NRXN1: variants seen among roughly 807,000 people sequenced by gnomAD.
The protein encoded by NRXN1 is neurexin 1, also known as neurexin-1.
Under a neutral mutation model 150.9 loss-of-function variants are expected in NRXN1, and 39 were observed. That is an observed-to-expected ratio of 0.26 (90% CI 0.20 to 0.34). The LOEUF is 0.34. NRXN1 is among the 10% of genes least tolerant of loss of function. The probability of loss-of-function intolerance (pLI) is 1.00; values close to 1 mark genes in which losing one functional copy is unlikely to be tolerated. For missense variants in NRXN1, 1,815 were observed against 1,949.9 expected (o/e 0.93, Z 1.30); for synonymous variants, 924 against 757.0 (o/e 1.22, Z -3.62).
chr2:50,846,419 A>C (rs540934030), intron 5 of NRXN1, among the ~76,000 whole-genome samples: 1 of 152,148 alleles, frequency 6.6e-6, no homozygotes, highest in African/African-American at 2.4e-5. Flanking sequence ...GTCGGCAAGC[A>C]AGACTTTTTT....
intron 18 of NRXN1, among the ~76,000 whole-genome samples, chr2:50,102,035 C>T (rs1030178243): frequency 6.6e-6 from 1 of 151,954 alleles, no homozygotes; most frequent in African/African-American, 2.4e-5. Context: ...CATAGAAATG[C>T]ATTTACCAAT....
intron 18 of NRXN1, among the ~76,000 whole-genome samples, chr2:50,139,226 C>T (rs781604837): frequency 2.0e-5 from 3 of 150,040 alleles, no homozygotes; most frequent in Admixed American, 6.7e-5. Context: ...CTTGGGAGGC[C>T]GAGACAGGAG....
At chr2:50,960,474 T>C (rs904749883) in intron 2 of NRXN1, among the ~76,000 whole-genome samples, 1 of 151,902 alleles carries the variant, frequency 6.6e-6, no homozygotes, top group Admixed American at 6.6e-5. Context: ...TAATGGAGGC[T>C]TAAAAAAGAA....
At chr2:50,024,934 G>T (rs1688066376) in intron 21 of NRXN1, among the ~76,000 whole-genome samples, 1 of 151,960 alleles carries the variant, frequency 6.6e-6, no homozygotes, top group African/African-American at 2.4e-5. Flanking sequence ...AATTCTTTAG[G>T]TTACTCACCT....
chr2:50,598,471 C>T (rs1337779333), intron 8 of NRXN1, among the ~76,000 whole-genome samples: 3 of 150,950 alleles, frequency 2.0e-5, no homozygotes, highest in Non-Finnish European at 4.4e-5. Context: ...AGTTTAAAGA[C>T]TAAATAGCAT....
intron 5 of NRXN1, among the ~76,000 whole-genome samples, chr2:50,733,909 C>T (rs1446849455): frequency 1.3e-5 from 2 of 151,902 alleles, no homozygotes; most frequent in South Asian, 4.1e-4. Context: ...TTTTCACATT[C>T]GTATATTAGC....
At chr2:50,951,824 A>G (rs1019382996) in intron 2 of NRXN1, among the ~76,000 whole-genome samples, 1 of 151,152 alleles carries the variant, frequency 6.6e-6, no homozygotes, top group Admixed American at 6.6e-5. Context: ...TCATATTACC[A>G]TTATGGAATT....
intron 21 of NRXN1, among the ~76,000 whole-genome samples, chr2:49,992,276 A>G (rs1248445785): frequency 6.6e-6 from 1 of 152,080 alleles, no homozygotes; most frequent in Non-Finnish European, 1.5e-5. Flanking sequence ...GCAGTGGCTC[A>G]TGCCTGTAAT....
At chr2:50,610,642 C>CATAT (rs71404969) in intron 8 of NRXN1, among the ~76,000 whole-genome samples, 2,032 of 42,778 alleles carry the variant, frequency 0.048, 195 homozygotes, top group Non-Finnish European at 0.065. Context: ...TAAATAGATA[C>CATAT]ATATATATAT....
intron 18 of NRXN1, among the ~76,000 whole-genome samples, chr2:50,158,994 A>C (rs904685448): frequency 6.6e-6 from 1 of 152,092 alleles, no homozygotes; most frequent in African/African-American, 2.4e-5. Flanking sequence ...CTTTCCCCTA[A>C]GTTCACTCAA....
intron 17 of NRXN1, among the ~76,000 whole-genome samples, chr2:50,284,461 G>T (rs972830374): frequency 6.6e-5 from 10 of 152,126 alleles, no homozygotes. Flanking sequence ...CACTTAGGAT[G>T]GTTTTAAAAT....
At chr2:49,998,262 G>T (rs1394545645) in intron 21 of NRXN1, among the ~76,000 whole-genome samples, 3 of 152,124 alleles carry the variant, frequency 2.0e-5, no homozygotes, top group Admixed American at 6.5e-5. Context: ...AACTATAAAT[G>T]ATGCCTCCTA....
At chr2:50,829,702 G>T (rs973866785) in intron 5 of NRXN1, 12 of 1,601,810 alleles carry the variant, frequency 7.5e-6, no homozygotes, top group African/African-American at 2.7e-5. Context: ...CAGGCCGCCC[G>T]CACACCCAGA....
intron 12 of NRXN1, among the ~76,000 whole-genome samples, chr2:50,507,141 CT>C (rs1558851497): frequency 6.6e-6 from 1 of 152,164 alleles, no homozygotes; most frequent in Admixed American, 6.5e-5. Context: ...AAGGTACTAT[CT>C]TGTGTGATGG....
intron 17 of NRXN1, among the ~76,000 whole-genome samples, chr2:50,396,755 G>A (rs1288729563): frequency 6.6e-6 from 1 of 152,004 alleles, no homozygotes; most frequent in Admixed American, 6.6e-5. Flanking sequence ...ACATTCTGGA[G>A]GAGTAAGCAT....
Position 50,857,817 on chromosome 2 carries a change from T to TG in NRXN1, c.832+64051_832+64052insC, listed in dbSNP as rs1483590819. ...TCATAAAAGGCCTAATCAAAATAGA[T>TG]TAAAAAAAACAGACAATGGAATAAA... On this transcript the variant is annotated intron_variant, in intron 5 of 22. Transcript: ENST00000401669. 2.3e-5 allele frequency among the ~76,000 whole-genome samples: 3 copies of TG among 129,668 alleles called. No homozygotes were observed. The East Asian group carries it at 5.9e-4, about 26-fold the overall frequency. The allele number at this position is 129,668 out of a possible 152,430, so 85.1% of individuals were successfully genotyped here. A position where few individuals can be genotyped will look rare whatever the true frequency, so the allele number is the denominator to read the frequency against.
chr2:50,974,916 TATTTC>T (rs983547901), intron 2 of NRXN1, among the ~76,000 whole-genome samples: 2 of 152,042 alleles, frequency 1.3e-5, no homozygotes, highest in Non-Finnish European at 2.9e-5. Flanking sequence ...CCTTCCATTG[TATTTC>T]ATTTCATTTC....
chr2:50,978,379 T>A (rs533926798), intron 2 of NRXN1, among the ~76,000 whole-genome samples: 142 of 148,138 alleles, frequency 9.6e-4, no homozygotes, highest in African/African-American at 3.1e-3. Flanking sequence ...TATTCAATTC[T>A]TAATAACAAC....
intron 17 of NRXN1, among the ~76,000 whole-genome samples, chr2:50,297,665 G>A (rs769406522): frequency 2.5e-4 from 38 of 152,136 alleles, no homozygotes; most frequent in Non-Finnish European, 2.9e-5. Context: ...ACACCGGGTG[G>A]TAATTTAATC....
Sources: gnomAD v4.1 joint callset for allele counts (sites outside exome capture counted in the v4.1 genomes callset) on GRCh38, gnomAD v4.1.1 for gene constraint, MANE v1.5 for transcripts, NCBI Gene and HGNC (gene_info 2026-07-23, HGNC 2026-07-21) for gene names.